The following NRXN3 variants were observed in gnomAD, a reference collection of about 807,000 sequenced individuals.
NRXN3 encodes the protein neurexin 3.
Under a neutral mutation model 137.6 loss-of-function variants are expected in NRXN3, and 32 were observed. The observed-to-expected ratio is 0.23, with a 90% confidence interval of 0.18 to 0.31. NRXN3 has a LOEUF of 0.31. Ranked by LOEUF, NRXN3 falls within the 10% of genes least tolerant of loss-of-function variation. NRXN3 has a pLI of 1.00. For synonymous variants in NRXN3, 798 were observed against 784.5 expected, an observed-to-expected ratio of 1.02 and a Z score of -0.29; for missense variants, 1,574 against 2,062.5, an observed-to-expected ratio of 0.76 and a Z score of 4.59.
chr14:79,470,046 T>C (rs1346679173), intron 16 of NRXN3, among the ~76,000 whole-genome samples: 1 of 152,098 alleles, frequency 6.6e-6, no homozygotes, highest in Non-Finnish European at 1.5e-5. Flanking sequence ...GGTGGTTCTG[T>C]TTGTTGAATG....
intron 15 of NRXN3, among the ~76,000 whole-genome samples, chr14:79,141,154 C>T (rs542385883): frequency 6.6e-5 from 10 of 152,114 alleles, no homozygotes; most frequent in African/African-American, 2.2e-4. Context: ...GTGTGTTGGG[C>T]GTAGTAATAA....
chr14:78,858,717 G>A (rs949124394), intron 10 of NRXN3, among the ~76,000 whole-genome samples: 8 of 152,202 alleles, frequency 5.3e-5, no homozygotes, highest in African/African-American at 1.2e-4. Context: ...GGTTTCCGGA[G>A]GACTTTTTTG....
At chr14:78,449,270 T>C (rs1367005824) in intron 4 of NRXN3, among the ~76,000 whole-genome samples, 1 of 152,234 alleles carries the variant, frequency 6.6e-6, no homozygotes, top group Non-Finnish European at 1.5e-5. Context: ...AGGAATATCG[T>C]GGCGCGATCT....
intron 15 of NRXN3, among the ~76,000 whole-genome samples, chr14:78,994,625 G>A (rs530936477): frequency 1.3e-5 from 2 of 152,286 alleles, no homozygotes; most frequent in Admixed American, 1.3e-4. Flanking sequence ...CTTATTAAAT[G>A]ATAAAAGAAA....
At chr14:79,413,910 A>G (rs2095458147) in intron 15 of NRXN3, among the ~76,000 whole-genome samples, 1 of 128,252 alleles carries the variant, frequency 7.8e-6, no homozygotes, top group South Asian at 2.6e-4. Context: ...AAAAAAGCTT[A>G]TGGCTCTTTT....
chr14:79,377,625 G>A (rs749104462), intron 15 of NRXN3, among the ~76,000 whole-genome samples: 1 of 151,996 alleles, frequency 6.6e-6, no homozygotes, highest in African/African-American at 2.4e-5. Context: ...GCATGGTGTC[G>A]TGCACCTGTA....
At chr14:78,456,799 C>CTCTTTCTTTCTTTCTT (rs374674586) in intron 4 of NRXN3, among the ~76,000 whole-genome samples, 5,417 of 97,544 alleles carry the variant, frequency 0.056, 276 homozygotes, top group Middle Eastern at 0.077. Flanking sequence ...CTCTCTTTCT[C>CTCTTTCTTTCTTTCTT]TCTTTCTTTC....
intron 19 of NRXN3, among the ~76,000 whole-genome samples, chr14:79,774,109 C>A (rs1296058237): frequency 6.6e-6 from 1 of 152,018 alleles, no homozygotes; most frequent in Non-Finnish European, 1.5e-5. Flanking sequence ...AATAACTGTA[C>A]GTGATTTATG....
At chr14:78,208,592 G>C (rs2062438183) in intron 1 of NRXN3, among the ~76,000 whole-genome samples, 1 of 152,202 alleles carries the variant, frequency 6.6e-6, no homozygotes, top group African/African-American at 2.4e-5. Context: ...GCCCATGTGT[G>C]TTTTATTAGA....
At chr14:79,693,267 TAGA>T (rs1406323198) in intron 18 of NRXN3, among the ~76,000 whole-genome samples, 3 of 151,978 alleles carry the variant, frequency 2.0e-5, no homozygotes, top group African/African-American at 2.4e-5. Context: ...TTGAGTTATA[TAGA>T]AGAAGTAACC....
At chr14:79,293,290 A>G (rs1268282004) in intron 15 of NRXN3, among the ~76,000 whole-genome samples, 1 of 152,184 alleles carries the variant, frequency 6.6e-6, no homozygotes, top group Non-Finnish European at 1.5e-5. Flanking sequence ...GCCCTGAGGA[A>G]TGATCATGCC....
At chr14:79,547,249 G>A (rs1457815500) in intron 16 of NRXN3, among the ~76,000 whole-genome samples, 1 of 152,066 alleles carries the variant, frequency 6.6e-6, no homozygotes, top group Non-Finnish European at 1.5e-5. Flanking sequence ...GTGGAAAATT[G>A]TGCAATAATC....
At chr14:78,773,884 C>G (rs1241033339) in intron 8 of NRXN3, among the ~76,000 whole-genome samples, 5 of 152,138 alleles carry the variant, frequency 3.3e-5, no homozygotes, top group Non-Finnish European at 7.3e-5. Context: ...TCACTGCAAC[C>G]TCCGCCTCCC....
At chr14:78,359,052 G>T (rs1169224625) in intron 4 of NRXN3, among the ~76,000 whole-genome samples, 1 of 152,152 alleles carries the variant, frequency 6.6e-6, no homozygotes, top group Admixed American at 6.5e-5. Flanking sequence ...GCATAGGTAG[G>T]TGGAGAAATG....
chr14:79,487,687 T>C (rs2096670550), intron 16 of NRXN3, among the ~76,000 whole-genome samples: 1 of 146,650 alleles, frequency 6.8e-6, no homozygotes, highest in African/African-American at 2.6e-5. Context: ...TCTGTCTGAA[T>C]TCTCAGTTGT....
chr14:79,389,499 A>G lies in NRXN3; in HGVS notation c.3263-77722A>G, dbSNP rs143977197. 6.0e-4 allele frequency among the ~76,000 whole-genome samples: 91 copies of G among 152,282 alleles called. 1 individual carries two copies. The East Asian group carries it at 0.016, about 27-fold the overall frequency. ...TTGCATTGGGGATTAGGTTTCCAATACATACCTTTATGGAACACATTCAAA... is the reference window on the plus strand; with the variant it reads ...TTGCATTGGGGATTAGGTTTCCAATGCATACCTTTATGGAACACATTCAAA... On this transcript the variant is annotated intron_variant, in intron 15 of 20. Transcript: ENST00000335750.
chr14:78,798,188 A>G (rs925453392), intron 8 of NRXN3, among the ~76,000 whole-genome samples: 1 of 152,230 alleles, frequency 6.6e-6, no homozygotes, highest in Non-Finnish European at 1.5e-5. Flanking sequence ...TCTTCTGCCT[A>G]TGAGCCTGTA....
intron 2 of NRXN3, among the ~76,000 whole-genome samples, chr14:78,257,137 A>G (rs760251642): frequency 1.1e-4 from 17 of 152,228 alleles, no homozygotes; most frequent in Non-Finnish European, 2.2e-4. Context: ...TAACGCTATC[A>G]TTTTTGGTAT....
chr14:79,174,625 C>T (rs1333535711), intron 15 of NRXN3, among the ~76,000 whole-genome samples: 59 of 143,986 alleles, frequency 4.1e-4, no homozygotes, highest in African/African-American at 1.4e-3. Flanking sequence ...TCATATTTTG[C>T]GGTGGTTTAA....
Sources: gnomAD v4.1 joint callset for allele counts (sites outside exome capture counted in the v4.1 genomes callset) on GRCh38, gnomAD v4.1.1 for gene constraint, MANE v1.5 for transcripts, NCBI Gene and HGNC (gene_info 2026-07-23, HGNC 2026-07-21) for gene names.